Variants in LARP1 observed in about 807,000 individuals in gnomAD.
LARP1 encodes La ribonucleoprotein 1, translational regulator.
A neutral mutation model predicts 122.7 loss-of-function variants in LARP1; 36 were observed. That is an observed-to-expected ratio of 0.29 (90% CI 0.22 to 0.39). The LOEUF is 0.39. LARP1 is among the 10% of genes least tolerant of loss of function. The pLI, the probability that LARP1 is intolerant of heterozygous loss-of-function variation, is 1.00. For synonymous variants in LARP1, 539 were observed against 528.7 expected, an observed-to-expected ratio of 1.02 and a Z score of -0.27; for missense variants, 1,040 against 1,403.6, an observed-to-expected ratio of 0.74 and a Z score of 4.14.
At chr5:154,734,031 G>A (rs1345612471) in intron 1 of LARP1, among the ~76,000 whole-genome samples, 1 of 151,934 alleles carries the variant, frequency 6.6e-6, no homozygotes, top group Non-Finnish European at 1.5e-5. Context: ...GCCAGGCATG[G>A]TGGCACATGC....
chr5:154,684,744 C>A (rs972334578), intron 1 of LARP1, among the ~76,000 whole-genome samples: 7 of 152,112 alleles, frequency 4.6e-5, no homozygotes, highest in African/African-American at 1.7e-4. Flanking sequence ...ATTTTTTCAT[C>A]TGTTCCATTG....
chr5:154,744,616 A>ATTTTTTT lies in LARP1; in HGVS notation c.205+31519_205+31525dup, dbSNP rs748853573. On this transcript the variant is annotated intron_variant, in intron 1 of 18. Coordinates refer to the LARP1 transcript ENST00000336314. ...CAGGGGAAAGGGCATTGGATATGCA[A>ATTTTTTT]TTTTTTTTTTTTTTTTTTTTTTTTT... 1.4e-3 allele frequency among the ~76,000 whole-genome samples: 100 copies of ATTTTTTT among 72,000 alleles called. 19 individuals carry two copies. Among genetic ancestry groups the ATTTTTTT allele is most frequent in the African/African-American group, 1.8e-3 (32 of 18,052 alleles). 47.2% of individuals were successfully genotyped at this position (72,000 alleles called of 152,430 possible). A position where few individuals can be genotyped will look rare whatever the true frequency, so the allele number is the denominator to read the frequency against.
chr5:154,804,712 A>T (rs1437653525), intron 14 of LARP1: 6 of 453,628 alleles, frequency 1.3e-5, no homozygotes, highest in Non-Finnish European at 2.7e-5. Context: ...TATTGGCCCC[A>T]ACCTGTATCT....
chr5:154,710,240 G>C (rs1454025311), upstream of LARP1, among the ~76,000 whole-genome samples: 4 of 152,146 alleles, frequency 2.6e-5, no homozygotes, highest in Non-Finnish European at 5.9e-5. Context: ...ATTGGTCATT[G>C]TTTCTAGACC....
At chr5:154,754,140 A>C (rs1328678556), upstream of LARP1, among the ~76,000 whole-genome samples, 1 of 152,216 alleles carries the variant, frequency 6.6e-6, no homozygotes, top group Non-Finnish European at 1.5e-5. Context: ...TAGCCCATCT[A>C]GTCTAACTGA....
At chr5:154,776,703 T>A (rs771082650) in intron 1 of LARP1, among the ~76,000 whole-genome samples, 1 of 152,216 alleles carries the variant, frequency 6.6e-6, no homozygotes. Flanking sequence ...AGAATCTGCA[T>A]TTCTCCCAAG....
chr5:154,794,070 T>C (rs1757559176), intron 6 of LARP1, 30 bp from the exon 7 acceptor site: 1 of 1,613,004 alleles, frequency 6.2e-7, no homozygotes, highest in African/African-American at 1.3e-5. Context: ...AGGAATCTCC[T>C]CTCCCTCATG....
chr5:154,708,732 C>T (rs761221268), upstream of LARP1, among the ~76,000 whole-genome samples: 4 of 152,082 alleles, frequency 2.6e-5, no homozygotes, highest in Admixed American at 2.0e-4. Flanking sequence ...CTGCCTCAGC[C>T]TCCTGAGTAG....
intron 14 of LARP1, chr5:154,805,073 C>T (rs1758655618): frequency 2.9e-6 from 1 of 343,272 alleles, no homozygotes. Context: ...ATACTGTATT[C>T]TTACAATAAG....
chr5:154,759,550 A>G (rs1369679501), intron 1 of LARP1, among the ~76,000 whole-genome samples: 1 of 152,106 alleles, frequency 6.6e-6, no homozygotes, highest in Non-Finnish European at 1.5e-5. Context: ...GCCTTTTGTA[A>G]AGATTTTCTT....
intron 1 of LARP1, among the ~76,000 whole-genome samples, chr5:154,749,085 T>C (rs1162598727): frequency 6.6e-6 from 1 of 152,060 alleles, no homozygotes. Flanking sequence ...GGAAGGTTAG[T>C]TAGGGTCAGG....
chr5:154,703,841 G>A (rs1754829983), intron 1 of LARP1, among the ~76,000 whole-genome samples: 2 of 152,048 alleles, frequency 1.3e-5, no homozygotes, highest in Non-Finnish European at 1.5e-5. Context: ...GGCTGGTCTC[G>A]AACTCCTGAC....
intron 6 of LARP1, 46 bp downstream of exon 6, chr5:154,794,046 C>T: frequency 6.2e-7 from 1 of 1,610,652 alleles, no homozygotes; most frequent in South Asian, 1.1e-5. Context: ...GGGTGTGCAG[C>T]AGGGGTGGTG....
chr5:154,712,503 CTAAT>C (rs1479916836), upstream of LARP1, among the ~76,000 whole-genome samples: 1 of 152,200 alleles, frequency 6.6e-6, no homozygotes, highest in African/African-American at 2.4e-5. Context: ...AGAAGATGTA[CTAAT>C]AACTCTGCCC....
At chr5:154,806,086 G>C in intron 15 of LARP1, 54 bp downstream of exon 15, 10 of 1,575,232 alleles carry the variant, frequency 6.3e-6, no homozygotes, top group Non-Finnish European at 8.6e-6. Flanking sequence ...TTTAGACCCA[G>C]AGTATAAGAG....
intron 1 of LARP1, chr5:154,718,671 A>G (rs1197893542): frequency 6.6e-6 from 1 of 152,294 alleles, no homozygotes; most frequent in East Asian, 1.9e-4. Flanking sequence ...GACCAGAGGC[A>G]TAGGCCATTG....
At chr5:154,710,407 T>G (rs887437672), upstream of LARP1, among the ~76,000 whole-genome samples, 5 of 151,244 alleles carry the variant, frequency 3.3e-5, no homozygotes, top group African/African-American at 1.2e-4. Flanking sequence ...AGCCCAGGAG[T>G]TGAAAACCAG....
intron 1 of LARP1, among the ~76,000 whole-genome samples, chr5:154,774,599 A>G (rs1755713289): frequency 6.6e-6 from 1 of 152,104 alleles, no homozygotes; most frequent in Non-Finnish European, 1.5e-5. Flanking sequence ...AATCTCTTGC[A>G]TTTCCTCTGA....
chr5:154,706,273 G>GA (rs1361022119), intron 1 of LARP1, among the ~76,000 whole-genome samples: 1 of 148,446 alleles, frequency 6.7e-6, no homozygotes, highest in Non-Finnish European at 1.5e-5. Flanking sequence ...CAGCCTGGGA[G>GA]ACAGAGTGCG....
Sources: allele counts gnomAD v4.1 joint callset (sites outside exome capture counted in the v4.1 genomes callset), GRCh38; gene constraint gnomAD v4.1.1; transcripts MANE v1.5; gene names NCBI Gene and HGNC (gene_info 2026-07-23, HGNC 2026-07-21).